CYP3A4: variants seen among roughly 807,000 people sequenced by gnomAD.
CYP3A4 encodes the protein cytochrome P450 3A4.
A neutral mutation model predicts 54.9 loss-of-function variants in CYP3A4; 41 were observed. The ratio of observed to expected loss-of-function variants is 0.75; its 90% CI spans 0.58 to 0.97. The LOEUF (loss-of-function observed/expected upper bound fraction) is 0.97, where lower values mean the gene tolerates loss of function less well. CYP3A4 is among the 50% of genes least tolerant of loss of function. The pLI, the probability that CYP3A4 is intolerant of heterozygous loss-of-function variation, is 0.00. For missense variants in CYP3A4, 510 were observed against 597.3 expected (o/e 0.85, Z 1.52); for synonymous variants, 179 against 205.2 (o/e 0.87, Z 1.09).
chr7:99,773,045 A>G (rs943425771), intron 3 of CYP3A4, among the ~76,000 whole-genome samples: 3 of 152,070 alleles, frequency 2.0e-5, no homozygotes, highest in African/African-American at 7.2e-5. Context: ...TATGTTTAAA[A>G]TATTTTATTT....
intron 12 of CYP3A4, 94 bp from the exon 13 acceptor site, chr7:99,758,322 GGGGA>G: frequency 7.2e-7 from 1 of 1,398,138 alleles, no homozygotes; most frequent in South Asian, 1.2e-5. Flanking sequence ...TCAGTGTTGA[GGGGA>G]CACAACAGAG....
chr7:99,768,318 A>G (rs1364703928), intron 7 of CYP3A4, 36 bp downstream of exon 7: 3 of 1,593,590 alleles, frequency 1.9e-6, no homozygotes, highest in Non-Finnish European at 2.6e-6. Context: ...TTTTTAAGAG[A>G]GCAAGATAAA....
At chr7:99,765,478 TA>T (rs1251921794) in intron 9 of CYP3A4, among the ~76,000 whole-genome samples, 3 of 148,460 alleles carry the variant, frequency 2.0e-5, no homozygotes, top group African/African-American at 5.2e-5. Flanking sequence ...AGATGATAGA[TA>T]GATAGATGAT....
chr7:99,782,099 T>C (rs1815940353), intron 1 of CYP3A4, among the ~76,000 whole-genome samples: 1 of 152,230 alleles, frequency 6.6e-6, no homozygotes, highest in Non-Finnish European at 1.5e-5. Flanking sequence ...GTTTTCCCAC[T>C]CCTGTTCCTT....
intron 12 of CYP3A4, among the ~76,000 whole-genome samples, chr7:99,759,385 A>G (rs1366115773): frequency 6.6e-6 from 1 of 151,894 alleles, no homozygotes; most frequent in Non-Finnish European, 1.5e-5. Flanking sequence ...AAAACCCTGA[A>G]TATATTTTCA....
Position 99,766,372 on chromosome 7 carries a change from G to C in CYP3A4, c.865+5C>G. On this transcript the variant is annotated splice_donor_5th_base_variant and intron_variant, in intron 9 of 12. Coordinates refer to ENST00000651514, the MANE Select transcript of CYP3A4 (RefSeq NM_017460.6). Reference sequence around the variant, plus strand: ...ACAAGTAGCCCTCAGAAACACTCTGGTTACCTTTGTGGGACTCAGTTTCTT... The same window carrying C: ...ACAAGTAGCCCTCAGAAACACTCTGCTTACCTTTGTGGGACTCAGTTTCTT... The C allele has an allele frequency of 6.2e-7, 1 of 1,613,496 alleles. No homozygotes were observed.
rs1479167788 is a variant in CYP3A4, at chr7:99,768,423, C to T, written c.601G>A (p.Asp201Asn). The T allele has an allele frequency of 6.2e-7, 1 of 1,614,030 alleles. No homozygotes were observed. The highest frequency in any genetic ancestry group is 8.5e-7 in the Non-Finnish European group (1 of 1,179,956). The change falls in exon 7 of 13, where the codon GAC becomes AAC. Residue 201 changes from aspartate to asparagine, a missense_variant. By Grantham distance (23) the Asp-to-Asn change is conservative. Around this residue, in one of 2 missense-constraint regions of CYP3A4, gnomAD observed 272 missense variants for 274.9 expected, o/e 0.99. Transcript: ENST00000651514. ...VNIDSLNNPQ[D>N]PFVENTKKLL... ...TTCTTGGTGTTTTCCACAAAGGGGT[C>T]TTGTGGATTGTTGAGAGAGTCGATG...
At chr7:99,768,872 A>G (rs956399106) in intron 6 of CYP3A4, among the ~76,000 whole-genome samples, 1 of 152,178 alleles carries the variant, frequency 6.6e-6, no homozygotes, top group African/African-American at 2.4e-5. Context: ...AACTCTTCCT[A>G]AGGGGCTCAA....
At chr7:99,771,702 C>T (rs1326090631) in intron 4 of CYP3A4, among the ~76,000 whole-genome samples, 2 of 152,102 alleles carry the variant, frequency 1.3e-5, no homozygotes, top group Non-Finnish European at 2.9e-5. Flanking sequence ...TCACTCTACA[C>T]GAGGTTAAGA....
Position 99,760,886 on chromosome 7 carries a change from A to G in CYP3A4, c.1349T>C (p.Met450Thr), listed in dbSNP as rs757473117. Residue 450 changes from methionine to threonine, a missense_variant, in exon 12 of 13, where the codon ATG becomes ACG. This residue lies in a region of CYP3A4 where 238 missense variants were observed against 322.5 expected (regional missense o/e 0.74). Coordinates refer to ENST00000651514, the MANE Select transcript of CYP3A4 (RefSeq NM_017460.6). The stretch of plus-strand genomic sequence containing the variant: ...TCTGATTAGAGCAAGTTTCATGTTC[A>G]TGAGAGCAAACCTCATGCCAATGCA... ...RNCIGMRFAL[M>T]NMKLALIRVL... The G allele has an allele frequency of 2.5e-6, 4 of 1,614,180 alleles. No individual in the cohort carries two copies. Among genetic ancestry groups the G allele is most frequent in the Non-Finnish European group, 3.4e-6 (4 of 1,180,000 alleles).
At chr7:99,761,421 A>C (rs531531216) in intron 11 of CYP3A4, among the ~76,000 whole-genome samples, 19 of 151,952 alleles carry the variant, frequency 1.3e-4, no homozygotes, top group African/African-American at 3.9e-4. Flanking sequence ...TTTCCTTCTC[A>C]TCTCCTCTCT....
In CYP3A4 at chr7:99,766,708, T is replaced by A. The variant is rs1310380325; in HGVS notation, c.799-265A>T. ...CTTCAGCAGGTGGCCTGATAGGGAC[T>A]TTCATTTGAGAATGTGTAAAATAAC... is the stretch of plus-strand genomic sequence containing the variant. On this transcript the variant is annotated intron_variant, in intron 8 of 12. Coordinates refer to ENST00000651514, the MANE Select transcript of CYP3A4 (RefSeq NM_017460.6). The A allele has an allele frequency of 1.6e-5, 8 of 485,040 alleles. No individual in the cohort carries two copies. In the South Asian group the frequency reaches 2.3e-4, roughly 14 times the overall value. The allele number at this position is 485,040 out of a possible 1,614,324, so 30.0% of individuals were successfully genotyped here. A position where few individuals can be genotyped will look rare whatever the true frequency, so the allele number is the denominator to read the frequency against.
Position 99,762,162 on chromosome 7 carries a change from T to G in CYP3A4, c.1132A>C (p.Lys378Gln). 1 of 1,614,118 alleles carries G rather than the reference T, an allele frequency of 6.2e-7. No homozygotes were observed. Among genetic ancestry groups the G allele is most frequent in the Non-Finnish European group, 8.5e-7 (1 of 1,179,992 alleles). The change falls in exon 11 of 13, where the codon AAA becomes CAA. Residue 378 changes from lysine (K) to glutamine (Q), a missense_variant. Physicochemically the swap from Lys to Gln is moderately conservative, Grantham distance 53. Coordinates refer to ENST00000651514, the MANE Select transcript of CYP3A4 (RefSeq NM_017460.6). ...ATCCCATTGATCTCAACATCTTTTT[T>G]GCAGACCCTCTCAAGTCTCATAGCA... is the stretch of plus-strand genomic sequence containing the variant. ...PIAMRLERVC[K>Q]KDVEINGMFI... is the part of the protein sequence containing the mutation.
In CYP3A4 at chr7:99,780,117, G is replaced by A. The variant is rs545432563; in HGVS notation, c.72-32C>T. 80 of 1,587,712 alleles carry A rather than the reference G, an allele frequency of 5.0e-5. No individual in the cohort carries two copies. In the South Asian group the frequency reaches 6.4e-4, roughly 13 times the overall value. ...AGTGAAACAGAAATCAAGTCACAGC[G>A]ATTGTGACTTTATAGATATAGGGGT... is the stretch of plus-strand genomic sequence containing the variant. On this transcript the variant is annotated intron_variant, in intron 1 of 12. Coordinates refer to ENST00000651514, the MANE Select transcript of CYP3A4 (RefSeq NM_017460.6).
At chr7:99,762,743 C>A (rs1815372871) in intron 10 of CYP3A4, among the ~76,000 whole-genome samples, 1 of 152,006 alleles carries the variant, frequency 6.6e-6, no homozygotes, top group Non-Finnish European at 1.5e-5. Flanking sequence ...TGGATGTAAC[C>A]AGAGAACACG....
At chr7:99,783,543 A>C (rs1363943139) in intron 1 of CYP3A4, among the ~76,000 whole-genome samples, 1 of 151,824 alleles carries the variant, frequency 6.6e-6, no homozygotes, top group African/African-American at 2.4e-5. Flanking sequence ...GAGCTGCATA[A>C]GATCTACAAT....
chr7:99,760,586 C>A (rs1198184822), intron 12 of CYP3A4, among the ~76,000 whole-genome samples: 2 of 152,200 alleles, frequency 1.3e-5, no homozygotes, highest in African/African-American at 4.8e-5. Flanking sequence ...AAGGAGACTG[C>A]AGATAATTAT....
At chr7:99,771,546 C>T (rs576042254) in intron 4 of CYP3A4, among the ~76,000 whole-genome samples, 87 of 152,206 alleles carry the variant, frequency 5.7e-4, no homozygotes, top group Non-Finnish European at 1.0e-3. Context: ...ATAAACTGGT[C>T]TATATATTTA....
intron 3 of CYP3A4, among the ~76,000 whole-genome samples, chr7:99,775,986 A>G (rs906632667): frequency 4.6e-5 from 7 of 152,224 alleles, no homozygotes; most frequent in African/African-American, 7.2e-5. Flanking sequence ...GAACTTAAAC[A>G]AATTTACAAG....
Sources: gnomAD v4.1 joint callset for allele counts (sites outside exome capture counted in the v4.1 genomes callset) on GRCh38, gnomAD v4.1.1 for gene constraint, gnomAD v4.1.1 regional missense constraint, MANE v1.5 for transcripts, NCBI Gene and HGNC (gene_info 2026-07-23, HGNC 2026-07-21) for gene names.